CSMD1: variants seen among roughly 807,000 people sequenced by gnomAD.
The protein encoded by CSMD1 is CUB and Sushi multiple domains 1.
CSMD1 carries 213 observed loss-of-function variants against 417.5 expected under a neutral mutation model. The observed-to-expected ratio is 0.51, with a 90% CI of 0.46 to 0.57. The LOEUF (loss-of-function observed/expected upper bound fraction) is 0.57. CSMD1 is among the 20% of genes least tolerant of loss of function. The pLI is 0.00. For synonymous variants in CSMD1, 2,862 were observed against 1,736.8 expected (o/e 1.65, Z -16.11); for missense variants, 6,923 against 4,529.7 (o/e 1.53, Z -15.17).
At chr8:3,377,792 A>G (rs962459096) in intron 18 of CSMD1, among the ~76,000 whole-genome samples, 9 of 152,216 alleles carry the variant, frequency 5.9e-5, no homozygotes, top group African/African-American at 1.9e-4. Flanking sequence ...ATGTTTCCTC[A>G]GTTACTACCC....
At chr8:4,067,546 T>C (rs1799316666) in intron 3 of CSMD1, among the ~76,000 whole-genome samples, 2 of 152,172 alleles carry the variant, frequency 1.3e-5, no homozygotes, top group South Asian at 2.1e-4. Context: ...TAGCTTTACA[T>C]GTACCTAAAG....
intron 2 of CSMD1, among the ~76,000 whole-genome samples, chr8:4,576,209 C>T (rs767274729): frequency 4.1e-4 from 62 of 152,330 alleles, no homozygotes; most frequent in Middle Eastern, 3.4e-3. Context: ...TACACTACTC[C>T]AGTCCCCACC....
Position 3,217,641 on chromosome 8 carries a change from C to T in CSMD1, c.4672+1614G>A, listed in dbSNP as rs892521235. Among the ~76,000 whole-genome samples, 2 of 152,256 alleles carry T rather than the reference C, an allele frequency of 1.3e-5. 1 individual carries two copies. Among genetic ancestry groups the T allele is most frequent in the Middle Eastern group, 6.8e-3 (2 of 294 alleles). The stretch of plus-strand genomic sequence containing the variant: ...ATGATGTGGCAAAGGCTCAAAAGTA[C>T]TGTTTTCAACTATTCCTAAACGTGA... On this transcript the variant is annotated intron_variant, in intron 29 of 69. Transcript: ENST00000635120.
intron 5 of CSMD1, among the ~76,000 whole-genome samples, chr8:3,766,985 G>A (rs1003385763): frequency 3.9e-5 from 6 of 152,158 alleles, no homozygotes; most frequent in Admixed American, 6.5e-5. Flanking sequence ...GTCCCCAGGC[G>A]AAAAGACCAG....
intron 5 of CSMD1, among the ~76,000 whole-genome samples, chr8:3,812,639 T>A (rs187543794): frequency 2.6e-5 from 4 of 152,138 alleles, no homozygotes; most frequent in African/African-American, 7.2e-5. Context: ...CAAATCTGTA[T>A]CCTAGCCACA....
At chr8:3,643,203 A>T (rs746057236) in intron 7 of CSMD1, among the ~76,000 whole-genome samples, 16 of 152,248 alleles carry the variant, frequency 1.1e-4, no homozygotes, top group Admixed American at 5.2e-4. Flanking sequence ...ACCAATCAGG[A>T]TAATGAAAAT....
intron 5 of CSMD1, among the ~76,000 whole-genome samples, chr8:3,993,522 T>A (rs188144894): frequency 7.9e-5 from 12 of 152,194 alleles, no homozygotes; most frequent in Non-Finnish European, 1.0e-4. Context: ...ACCAATTAGA[T>A]TGACTTAATA....
chr8:4,480,187 CAA>C (rs763375040), intron 2 of CSMD1, among the ~76,000 whole-genome samples: 10 of 103,764 alleles, frequency 9.6e-5, no homozygotes, highest in Admixed American at 3.2e-4. Context: ...TGTTATCTCA[CAA>C]AAAAAAAAAA....
chr8:3,829,277 T>C (rs888525822), intron 5 of CSMD1, among the ~76,000 whole-genome samples: 3 of 152,148 alleles, frequency 2.0e-5, no homozygotes, highest in Admixed American at 6.5e-5. Flanking sequence ...GAAAATACGA[T>C]GTTTGGTTTT....
chr8:4,930,336 ATAATG>A (rs1563795057), intron 1 of CSMD1, among the ~76,000 whole-genome samples: 1 of 152,162 alleles, frequency 6.6e-6, no homozygotes, highest in Non-Finnish European at 1.5e-5. Flanking sequence ...GAACACTGTA[ATAATG>A]TAATTCTGAT....
At chr8:4,036,368 C>G (rs1318542983) in intron 3 of CSMD1, among the ~76,000 whole-genome samples, 1 of 152,050 alleles carries the variant, frequency 6.6e-6, no homozygotes, top group Non-Finnish European at 1.5e-5. Flanking sequence ...TACCATGGTA[C>G]TGCGCAATGG....
At chr8:4,427,174 G>C (rs1409295323) in intron 2 of CSMD1, among the ~76,000 whole-genome samples, 1 of 152,124 alleles carries the variant, frequency 6.6e-6, no homozygotes, top group African/African-American at 2.4e-5. Context: ...CAATGGGTAA[G>C]TCCAGATGGG....
chr8:3,931,158 C>G (rs1810109579), intron 5 of CSMD1, among the ~76,000 whole-genome samples: 1 of 150,642 alleles, frequency 6.6e-6, no homozygotes, highest in African/African-American at 2.4e-5. Flanking sequence ...TAAACATCGT[C>G]TGCATCTTTT....
intron 10 of CSMD1, among the ~76,000 whole-genome samples, chr8:3,503,286 A>G (rs1796684321): frequency 6.6e-6 from 1 of 152,228 alleles, no homozygotes; most frequent in Admixed American, 6.5e-5. Flanking sequence ...TATAAACACT[A>G]GGAGTCTCTT....
intron 1 of CSMD1, among the ~76,000 whole-genome samples, chr8:4,753,646 C>T (rs1297549279): frequency 6.6e-6 from 1 of 152,176 alleles, no homozygotes; most frequent in Non-Finnish European, 1.5e-5. Flanking sequence ...AGGACATGAC[C>T]TTTTGATGCT....
chr8:3,869,845 G>C lies in CSMD1; in HGVS notation c.819-115803C>G, dbSNP rs928276456. Among the ~76,000 whole-genome samples, 3 of 152,110 alleles carry C rather than the reference G, an allele frequency of 2.0e-5. No individual in the cohort carries two copies. The East Asian group carries it at 5.8e-4, about 29-fold the overall frequency. ...CTGCCACTTAATAATCACATTCCAT[G>C]CTTTTATGAATTATCCTTACTGATC... On this transcript the variant is annotated intron_variant, in intron 5 of 69. Coordinates refer to ENST00000635120, the MANE Select transcript of CSMD1 (RefSeq NM_033225.6).
intron 1 of CSMD1, among the ~76,000 whole-genome samples, chr8:4,956,601 ATTTTT>A (rs141106108): frequency 0.022 from 3,254 of 151,310 alleles, 111 homozygotes; most frequent in African/African-American, 0.073. Context: ...CATAACAGAT[ATTTTT>A]ATTTTATAAA....
intron 69 of CSMD1, among the ~76,000 whole-genome samples, chr8:2,939,621 C>T (rs574592168): frequency 2.6e-4 from 39 of 152,112 alleles, no homozygotes; most frequent in Non-Finnish European, 4.4e-4. Flanking sequence ...TACATAAGCA[C>T]GCTCGCAAAA....
chr8:4,086,388 T>G (rs1392733300), intron 3 of CSMD1, among the ~76,000 whole-genome samples: 1 of 152,182 alleles, frequency 6.6e-6, no homozygotes, highest in Admixed American at 6.5e-5. Context: ...CAAAATTCAG[T>G]ACAGGCAGAC....
Sources: gnomAD v4.1 joint callset for allele counts (sites outside exome capture counted in the v4.1 genomes callset) on GRCh38, gnomAD v4.1.1 for gene constraint, MANE v1.5 for transcripts, NCBI Gene and HGNC (gene_info 2026-07-23, HGNC 2026-07-21) for gene names.